The following PCNX2 variants were observed in gnomAD, a reference collection of about 807,000 sequenced individuals.
PCNX2 encodes the protein pecanex-like protein 2.
In PCNX2, 168 loss-of-function variants were observed where a neutral mutation model predicts 223.8. The observed-to-expected ratio is 0.75, with a 90% CI of 0.66 to 0.85. The LOEUF (loss-of-function observed/expected upper bound fraction) is 0.85. Among genes scored for constraint, PCNX2 ranks in the 40% least tolerant of loss-of-function variants. The pLI is 0.00. For synonymous variants in PCNX2, 1,006 were observed against 1,052.6 expected (o/e 0.96, Z 0.86); for missense variants, 2,507 against 2,675.5 (o/e 0.94, Z 1.39).
In PCNX2 at chr1:233,078,920, C is replaced by G. The variant is rs544571933; in HGVS notation, c.4076+11141G>C. ...TACCTCACGTGTCAAACCTTACATG[C>G]AAGAGTTTCTTCATCCGTCAGCAAA... On this transcript the variant is annotated intron_variant, in intron 23 of 33. Coordinates refer to ENST00000258229, the MANE Select transcript of PCNX2 (RefSeq NM_014801.4). 5.7e-4 allele frequency among the ~76,000 whole-genome samples: 87 copies of G among 152,240 alleles called. 1 individual carries two copies. The highest frequency in any genetic ancestry group is 1.7e-3 in the African/African-American group (72 of 41,536).
intron 23 of PCNX2, among the ~76,000 whole-genome samples, chr1:233,071,226 G>A: frequency 6.6e-6 from 1 of 152,026 alleles, no homozygotes; most frequent in Non-Finnish European, 1.5e-5. Context: ...GTAAACTTGT[G>A]TCATGAGGGC....
Position 233,295,268 on chromosome 1 carries a change from C to CT in PCNX2, c.153+57dup, listed in dbSNP as rs901657938. 1 of 1,553,230 alleles carries CT rather than the reference C, an allele frequency of 6.4e-7. No homozygotes were observed. Among genetic ancestry groups the CT allele is most frequent in the Non-Finnish European group, 8.7e-7 (1 of 1,147,482 alleles). Reference sequence around the variant, plus strand: ...GAGGCTGATGGCACGTCTGTGGTTCCTTTCTCCTTCTTCCCTCCATACCCA... The same window carrying CT: ...GAGGCTGATGGCACGTCTGTGGTTCCTTTTCTCCTTCTTCCCTCCATACCCA... On this transcript the variant is annotated intron_variant, in intron 1 of 33. Coordinates refer to ENST00000258229, the MANE Select transcript of PCNX2 (RefSeq NM_014801.4). The surrounding 1 kb of genome is among the most constrained non-coding windows in gnomAD (Gnocchi z 4.1).
rs1659593426 is a variant in PCNX2, at chr1:233,253,985, G to A, written c.1835-1197C>T. Among the ~76,000 whole-genome samples the A allele has an allele frequency of 6.6e-6, 1 of 152,154 alleles. No individual in the cohort carries two copies. The highest frequency in any genetic ancestry group is 6.5e-5 in the Admixed American group (1 of 15,276). The stretch of plus-strand genomic sequence containing the variant: ...CTCTTAAGCTCAACAGCCTGTGCCT[G>A]AGAGAACAGAATTGAGCCTGAACCT... On this transcript the variant is annotated intron_variant, in intron 5 of 33. Transcript: ENST00000258229. This position sits in a 1 kb window ranked among gnomAD's most constrained non-coding sequence, Gnocchi z 4.2.
At chr1:233,051,027 A>G (rs1671985976) in intron 25 of PCNX2, among the ~76,000 whole-genome samples, 1 of 152,206 alleles carries the variant, frequency 6.6e-6, no homozygotes, top group Non-Finnish European at 1.5e-5. Flanking sequence ...ATGAAGAGAT[A>G]CTTCTCAAAA....
chr1:233,230,726 A>G (rs1164946843), intron 9 of PCNX2, among the ~76,000 whole-genome samples: 1 of 152,298 alleles, frequency 6.6e-6, no homozygotes, highest in East Asian at 1.9e-4. Flanking sequence ...GCATTTACAC[A>G]CACTCCCCAT....
At chr1:233,263,242 ACTAT>A in intron 1 of PCNX2, 79 bp from the exon 2 acceptor site, 12 of 1,241,274 alleles carry the variant, frequency 9.7e-6, no homozygotes, top group Non-Finnish European at 1.3e-5. Context: ...GCATTTTTAG[ACTAT>A]CTATTGAATA....
At position 233,295,568 on chromosome 1, in the gene PCNX2, C is replaced by A; in HGVS notation, c.-90G>T. On this transcript the variant is annotated 5_prime_UTR_variant, in exon 1 of 34. Transcript: ENST00000258229. The surrounding 1 kb of genome is among the most constrained non-coding windows in gnomAD (Gnocchi z 4.1). ...GGCTCCCTCAGGTCTAACACCCGGG[C>A]CCGCGGGCCGCGCCCCCGCCGTCGC... 7.9e-7 allele frequency: 1 copy of A among 1,262,386 alleles called. No homozygotes were observed. The highest frequency in any genetic ancestry group is 1.0e-6 in the Non-Finnish European group (1 of 997,448). 78.2% of individuals were successfully genotyped at this position (1,262,386 alleles called of 1,614,324 possible).
At position 233,258,017 on chromosome 1, in the gene PCNX2, T is replaced by G. The variant is rs778179274; in HGVS notation, c.1834+11A>C. On this transcript the variant is annotated intron_variant, in intron 5 of 33. Coordinates refer to ENST00000258229, the MANE Select transcript of PCNX2 (RefSeq NM_014801.4). ...TGTCATCATCAGAACGGAAATGACA[T>G]GGAATCGCACCTCGGAGAAGCCCAC... 6.2e-7 allele frequency: 1 copy of G among 1,605,760 alleles called. No homozygotes were observed. Among genetic ancestry groups the G allele is most frequent in the South Asian group, 1.1e-5 (1 of 90,670 alleles).
At chr1:233,099,547 T>C (rs1033544369) in intron 21 of PCNX2, among the ~76,000 whole-genome samples, 2 of 152,212 alleles carry the variant, frequency 1.3e-5, no homozygotes, top group Non-Finnish European at 2.9e-5. Context: ...TCCAAAAAGA[T>C]TGATTTGGCT....
At chr1:233,095,520 C>A in intron 22 of PCNX2, 1 of 526,314 alleles carries the variant, frequency 1.9e-6, no homozygotes, top group South Asian at 2.4e-5. Context: ...ATGGAAGGAC[C>A]AGAAAAAATA....
intron 5 of PCNX2, among the ~76,000 whole-genome samples, chr1:233,254,867 C>G (rs568370384): frequency 1.3e-5 from 2 of 151,564 alleles, no homozygotes; most frequent in African/African-American, 4.8e-5. Context: ...TTAAATAGAC[C>G]CTGACTATAA....
At chr1:233,086,602 C>A (rs551654995) in intron 23 of PCNX2, among the ~76,000 whole-genome samples, 256 of 152,024 alleles carry the variant, frequency 1.7e-3, no homozygotes, top group African/African-American at 5.8e-3. Flanking sequence ...ACCTGGGAGG[C>A]GGAGCTTGCA....
At chr1:233,057,133 G>A in intron 24 of PCNX2, 99 bp downstream of exon 24, 1 of 1,025,258 alleles carries the variant, frequency 9.8e-7, no homozygotes, top group South Asian at 1.6e-5. Flanking sequence ...GATGTGCATT[G>A]TCTCCACAAT....
intron 19 of PCNX2, among the ~76,000 whole-genome samples, chr1:233,144,106 G>T (rs3901672): frequency 6.6e-6 from 1 of 151,974 alleles, no homozygotes; most frequent in African/African-American, 2.4e-5. Flanking sequence ...GCTTGAACCC[G>T]AGAGGTTGAG....
In PCNX2 at chr1:233,017,132, G is replaced by T. The variant is rs192150880; in HGVS notation, c.4628C>A (p.Thr1543Lys). Residue 1543 changes from threonine to lysine, a missense_variant, in exon 27 of 34, where the codon ACG (threonine) becomes AAG (lysine). This residue lies in a region of PCNX2 where 1,372 missense variants were observed against 1,509.4 expected (regional missense o/e 0.91). Coordinates refer to ENST00000258229, the MANE Select transcript of PCNX2 (RefSeq NM_014801.4). Reference protein sequence around the residue: ...YIKSIIYYMVTSPKLLSWIKN... With the variant: ...YIKSIIYYMVKSPKLLSWIKN... Reference sequence around the variant, plus strand: ...GATCCAGGAGAGGAGTTTGGGAGACGTTACCATATAGTATATTATACTCTG... The same window carrying T: ...GATCCAGGAGAGGAGTTTGGGAGACTTTACCATATAGTATATTATACTCTG... 2 of 1,311,032 alleles carry T rather than the reference G, an allele frequency of 1.5e-6. No homozygotes were observed. The highest frequency in any genetic ancestry group is 4.4e-5 in the Admixed American group (2 of 45,602). The allele number at this position is 1,311,032 out of a possible 1,614,324, so 81.2% of individuals were successfully genotyped here. A position where few individuals can be genotyped will look rare whatever the true frequency, so the allele number is the denominator to read the frequency against.
intron 17 of PCNX2, among the ~76,000 whole-genome samples, chr1:233,170,091 C>G (rs939763073): frequency 1.4e-4 from 21 of 152,162 alleles, no homozygotes; most frequent in African/African-American, 5.1e-4. Flanking sequence ...TTGGCACTTT[C>G]ATGAAAAGGT....
At chr1:233,212,987 A>T (rs1181470958) in intron 12 of PCNX2, among the ~76,000 whole-genome samples, 1 of 152,232 alleles carries the variant, frequency 6.6e-6, no homozygotes, top group East Asian at 1.9e-4. Context: ...GATGTGATCC[A>T]TCATGTTACC....
At chr1:233,299,462 A>G (rs1290818125), upstream of PCNX2, among the ~76,000 whole-genome samples, 1 of 152,268 alleles carries the variant, frequency 6.6e-6, no homozygotes, top group African/African-American at 2.4e-5. Flanking sequence ...TTTACACAGG[A>G]AATGAGAAAG....
chr1:233,116,949 G>T (rs940872999), intron 21 of PCNX2, among the ~76,000 whole-genome samples: 1 of 152,086 alleles, frequency 6.6e-6, no homozygotes, highest in African/African-American at 2.4e-5. Flanking sequence ...GAAGCAGGAG[G>T]TATCACTAAG....
Sources: allele counts gnomAD v4.1 joint callset (sites outside exome capture counted in the v4.1 genomes callset), GRCh38; gene constraint gnomAD v4.1.1; regional missense constraint gnomAD v4.1.1; non-coding constraint Gnocchi (gnomAD v3.1); transcripts MANE v1.5; gene names NCBI Gene and HGNC (gene_info 2026-07-23, HGNC 2026-07-21).